Variants in UBE3C observed in about 807,000 individuals in gnomAD.
UBE3C encodes ubiquitin protein ligase E3C.
In UBE3C, 42 loss-of-function variants were observed where a neutral mutation model predicts 129.4. The observed-to-expected ratio is 0.32, with a 90% CI of 0.25 to 0.42. The LOEUF (loss-of-function observed/expected upper bound fraction) is 0.42, where lower values mean the gene tolerates loss of function less well. UBE3C is among the 10% of genes least tolerant of loss of function. The probability of loss-of-function intolerance (pLI) is 1.00; values close to 1 mark genes in which losing one functional copy is unlikely to be tolerated. For missense variants in UBE3C, 1,049 were observed against 1,319.1 expected (o/e 0.80, Z 3.17); for synonymous variants, 510 against 492.4 (o/e 1.04, Z -0.47).
intron 22 of UBE3C, among the ~76,000 whole-genome samples, chr7:157,257,582 G>T (rs1257999839): frequency 4.0e-5 from 6 of 151,728 alleles, no homozygotes; most frequent in Non-Finnish European, 7.4e-5. Context: ...TAAAAATACA[G>T]AAAAATGAGC....
chr7:157,180,119 G>A (rs1339554923), intron 6 of UBE3C, among the ~76,000 whole-genome samples: 3 of 152,122 alleles, frequency 2.0e-5, no homozygotes, highest in East Asian at 3.9e-4. Context: ...AGAAACTGCC[G>A]CTTCTAGCAT....
chr7:157,174,809 A>G, intron 4 of UBE3C, 110 bp from the exon 5 acceptor site: 1 of 691,054 alleles, frequency 1.4e-6, no homozygotes, highest in Non-Finnish European at 2.3e-6. Context: ...TCTTTTGATT[A>G]GGTTTGATTA....
At chr7:157,260,600 G>A (rs1796877582) in intron 22 of UBE3C, among the ~76,000 whole-genome samples, 1 of 152,158 alleles carries the variant, frequency 6.6e-6, no homozygotes, top group Admixed American at 6.5e-5. Context: ...TGGTAATTTT[G>A]TCATTAACAT....
At chr7:157,236,288 T>G (rs1796150970) in intron 18 of UBE3C, among the ~76,000 whole-genome samples, 1 of 152,240 alleles carries the variant, frequency 6.6e-6, no homozygotes, top group Non-Finnish European at 1.5e-5. Context: ...CCAATTAAGT[T>G]CAGAATATTT....
At chr7:157,146,448 CCTG>C (rs1373607398) in intron 1 of UBE3C, among the ~76,000 whole-genome samples, 1 of 152,068 alleles carries the variant, frequency 6.6e-6, no homozygotes, top group Non-Finnish European at 1.5e-5. Flanking sequence ...GTCTCGAACT[CCTG>C]ACCTCGTGAT....
At chr7:157,176,046 A>G (rs1808508524) in intron 5 of UBE3C, among the ~76,000 whole-genome samples, 1 of 152,210 alleles carries the variant, frequency 6.6e-6, no homozygotes, top group Non-Finnish European at 1.5e-5. Flanking sequence ...TGTGGGTTGT[A>G]GTTTGCAAAA....
chr7:157,260,458 C>T (rs563424597), intron 22 of UBE3C, among the ~76,000 whole-genome samples: 4 of 152,096 alleles, frequency 2.6e-5, no homozygotes, highest in Non-Finnish European at 5.9e-5. Context: ...ATCTCTCGAG[C>T]GCAGGGAAAG....
intron 16 of UBE3C, among the ~76,000 whole-genome samples, chr7:157,224,769 C>G (rs1324517855): frequency 8.8e-6 from 1 of 113,654 alleles, no homozygotes; most frequent in Admixed American, 1.1e-4. Context: ...CCTCCCTGCA[C>G]GTGCGTACAC....
intron 1 of UBE3C, among the ~76,000 whole-genome samples, chr7:157,140,241 T>G (rs1429650670): frequency 1.3e-5 from 2 of 152,058 alleles, no homozygotes; most frequent in Non-Finnish European, 2.9e-5. Context: ...ATCAGTATAT[T>G]CTGTATATCA....
intron 1 of UBE3C, among the ~76,000 whole-genome samples, chr7:157,162,913 T>A (rs1808110291): frequency 6.6e-6 from 1 of 152,202 alleles, no homozygotes; most frequent in Non-Finnish European, 1.5e-5. Flanking sequence ...GGGTTCTGTT[T>A]AAGTATTTTT....
At chr7:157,171,776 G>A (rs1301442679) in intron 4 of UBE3C, among the ~76,000 whole-genome samples, 11 of 129,192 alleles carry the variant, frequency 8.5e-5, no homozygotes, top group East Asian at 4.9e-4. Context: ...GCATCATCTC[G>A]GCTCACTGTA....
intron 22 of UBE3C, among the ~76,000 whole-genome samples, chr7:157,259,792 G>C (rs1216498175): frequency 6.6e-6 from 1 of 152,170 alleles, no homozygotes; most frequent in Non-Finnish European, 1.5e-5. Flanking sequence ...GCGGAACTCT[G>C]TAAATTTGCT....
intron 13 of UBE3C, among the ~76,000 whole-genome samples, chr7:157,214,443 G>T (rs1272393062): frequency 1.3e-5 from 2 of 152,120 alleles, no homozygotes; most frequent in African/African-American, 4.8e-5. Context: ...ATAAAGCTAA[G>T]TTTCCTTGGG....
rs111457351 is a variant in UBE3C, at chr7:157,206,453, G to A, written c.1419-945G>A. ...AATTTTTTGTATCTTTAGTAGAGAT[G>A]GGGTTTCACCATGTTGGCCAGGCTG... On this transcript the variant is annotated intron_variant, in intron 11 of 22. Transcript: ENST00000348165. Among the ~76,000 whole-genome samples the A allele has an allele frequency of 1.0e-3, 156 of 151,998 alleles. No homozygotes were observed. In the East Asian group the frequency reaches 0.011, roughly 10 times the overall value.
At chr7:157,157,791 G>A (rs767588690) in intron 1 of UBE3C, among the ~76,000 whole-genome samples, 1 of 152,014 alleles carries the variant, frequency 6.6e-6, no homozygotes, top group Non-Finnish European at 1.5e-5. Flanking sequence ...CCTGGCCAAC[G>A]TGGTGAAACC....
At chr7:157,202,556 C>T (rs1253769302) in intron 11 of UBE3C, among the ~76,000 whole-genome samples, 1 of 152,086 alleles carries the variant, frequency 6.6e-6, no homozygotes, top group Non-Finnish European at 1.5e-5. Flanking sequence ...ACTTGGGAGG[C>T]TGAGGCAGGA....
intron 17 of UBE3C, among the ~76,000 whole-genome samples, chr7:157,227,413 C>G (rs999220878): frequency 1.3e-5 from 2 of 151,978 alleles, no homozygotes; most frequent in African/African-American, 4.8e-5. Context: ...AAAACTACTC[C>G]CTGGGCGTGG....
intron 10 of UBE3C, chr7:157,197,464 A>G: frequency 1.6e-6 from 1 of 639,334 alleles, no homozygotes; most frequent in South Asian, 2.9e-5. Context: ...AAGACAGAAT[A>G]ACAATAAAAC....
chr7:157,226,719 C>CTTT (rs142300323), intron 17 of UBE3C, among the ~76,000 whole-genome samples: 3 of 142,530 alleles, frequency 2.1e-5, no homozygotes, highest in African/African-American at 5.1e-5. Flanking sequence ...CTATTTCAAG[C>CTTT]TTTTTTTTTT....
Sources: allele counts gnomAD v4.1 joint callset (sites outside exome capture counted in the v4.1 genomes callset), GRCh38; gene constraint gnomAD v4.1.1; transcripts MANE v1.5; gene names NCBI Gene and HGNC (gene_info 2026-07-23, HGNC 2026-07-21).